Variants in CHD5 observed in about 807,000 individuals in gnomAD.
The protein encoded by CHD5 is chromodomain helicase DNA binding protein 5.
A neutral mutation model predicts 230.3 loss-of-function variants in CHD5; 69 were observed. The observed-to-expected ratio is 0.30, with a 90% confidence interval of 0.25 to 0.37. CHD5 has a LOEUF of 0.37. Among genes scored for constraint, CHD5 ranks in the 10% least tolerant of loss-of-function variants. The pLI is 1.00. For missense variants in CHD5, 1,827 were observed against 2,622.8 expected (o/e 0.70, Z 6.63); for synonymous variants, 1,064 against 1,065.9 (o/e 1.00, Z 0.03).
At chr1:6,173,769 G>C (rs1667375724) in intron 1 of CHD5, among the ~76,000 whole-genome samples, 1 of 152,226 alleles carries the variant, frequency 6.6e-6, no homozygotes, top group Non-Finnish European at 1.5e-5. Context: ...TGCTGGGCCA[G>C]AGGTTCTCAG....
rs528219481 is a variant in CHD5 at position 6,180,210 on chromosome 1, C to T, written c.-187G>A. ...CCGTCTCGACCCCCCTTTCTCTCGG[C>T]CGCCTTAGCCTGCTCCCCGCAAAGC... On this transcript the variant is annotated 5_prime_UTR_variant, in exon 1 of 42. Transcript: ENST00000262450. 1,642 of 173,266 alleles carry T rather than the reference C, an allele frequency of 9.5e-3. 36 individuals carry two copies. Among genetic ancestry groups the T allele is most frequent in the African/African-American group, 0.039 (1,532 of 38,816 alleles). 10.7% of individuals were successfully genotyped at this position (173,266 alleles called of 1,614,324 possible).
Position 6,121,500 on chromosome 1 carries a change from T to C in CHD5, c.4773A>G (p.Glu1591=). The C allele has an allele frequency of 6.2e-7, 1 of 1,611,856 alleles. No individual in the cohort carries two copies. Among genetic ancestry groups the C allele is most frequent in the Non-Finnish European group, 8.5e-7 (1 of 1,178,984 alleles). The part of the protein sequence containing the change: ...PGAQKPRQPL[E]VQALPAALDR... Reference sequence around the variant, plus strand: ...ACGCCAGCAAGTTCCACACCTGGACTTCCAGGGGCTGCCTTGGCTTCTGTG... The same window carrying C: ...ACGCCAGCAAGTTCCACACCTGGACCTCCAGGGGCTGCCTTGGCTTCTGTG... Residue 1591 remains glutamate, a synonymous_variant, in exon 32 of 42, where the codon GAA becomes GAG. Coordinates refer to ENST00000262450, the MANE Select transcript of CHD5 (RefSeq NM_015557.3). This position sits in a 1 kb window ranked among gnomAD's most constrained non-coding sequence, Gnocchi z 4.5.
chr1:6,172,155 G>A (rs886728513), intron 1 of CHD5, among the ~76,000 whole-genome samples: 8 of 152,194 alleles, frequency 5.3e-5, no homozygotes, highest in Admixed American at 3.9e-4. Context: ...TGCAGGCTGC[G>A]GCCAGGCCGA....
chr1:6,108,121 TA>T (rs376671210), intron 38 of CHD5, among the ~76,000 whole-genome samples: 9 of 103,374 alleles, frequency 8.7e-5, no homozygotes, highest in African/African-American at 3.1e-4. Flanking sequence ...CATGGAGGCA[TA>T]GAGGGATGAT....
At chr1:6,120,116 C>T (rs55836408) in intron 33 of CHD5, among the ~76,000 whole-genome samples, 2,082 of 152,226 alleles carry the variant, frequency 0.014, 22 homozygotes, top group Non-Finnish European at 0.021. Flanking sequence ...CTGCCTCAGC[C>T]TCCCAAAGTG....
intron 3 of CHD5, among the ~76,000 whole-genome samples, chr1:6,158,743 C>G (rs1051748172): frequency 2.2e-4 from 34 of 152,192 alleles, no homozygotes; most frequent in African/African-American, 8.0e-4. Flanking sequence ...CGCGGTGGCT[C>G]ACACCTGTAA....
At chr1:6,161,398 G>C (rs891639158) in intron 2 of CHD5, among the ~76,000 whole-genome samples, 4 of 152,164 alleles carry the variant, frequency 2.6e-5, no homozygotes, top group Non-Finnish European at 5.9e-5. Flanking sequence ...CAGGCTGCCT[G>C]CACTTCCCTC....
intron 7 of CHD5, 67 bp downstream of exon 7, chr1:6,150,965 G>T: frequency 7.0e-7 from 1 of 1,419,618 alleles, no homozygotes; most frequent in Non-Finnish European, 9.3e-7. Flanking sequence ...GTCCAGATGG[G>T]GAGTCCTACT....
chr1:6,140,906 G>A (rs545265161), intron 15 of CHD5, among the ~76,000 whole-genome samples: 70 of 151,928 alleles, frequency 4.6e-4, no homozygotes, highest in African/African-American at 1.5e-3. Context: ...GGTCAAGGCT[G>A]CAGTGAGCTA....
In CHD5 at chr1:6,149,418, G is replaced by A. The variant is rs138305801; in HGVS notation, c.995-6C>T. 238 of 1,599,614 alleles carry A rather than the reference G, an allele frequency of 1.5e-4. 1 individual carries two copies. In the East Asian group the frequency reaches 4.8e-3, roughly 33 times the overall value. Reference sequence around the variant, plus strand: ...ATAGCCGTCACCATCATCAACTAGGGTAGGGGAGAGGCAGTCATGGAAGTC... The same window carrying A: ...ATAGCCGTCACCATCATCAACTAGGATAGGGGAGAGGCAGTCATGGAAGTC... On this transcript the variant is annotated splice_polypyrimidine_tract_variant and splice_region_variant and intron_variant, in intron 7 of 41. Transcript: ENST00000262450.
At chr1:6,161,217 C>T (rs1414346021) in intron 2 of CHD5, among the ~76,000 whole-genome samples, 4 of 152,046 alleles carry the variant, frequency 2.6e-5, no homozygotes, top group South Asian at 2.1e-4. Flanking sequence ...TTGGGAGGCC[C>T]CCAGCCCAAC....
At position 6,126,793 on chromosome 1, in the gene CHD5, C is replaced by T; in HGVS notation, c.3904-47G>A. 1 of 1,582,766 alleles carries T rather than the reference C, an allele frequency of 6.3e-7. No homozygotes were observed. The highest frequency in any genetic ancestry group is 2.2e-5 in the East Asian group (1 of 44,490). On this transcript the variant is annotated intron_variant, in intron 25 of 41. Transcript: ENST00000262450. The surrounding 1 kb of genome is among the most constrained non-coding windows in gnomAD (Gnocchi z 5.7). ...TTCCATGGGTGGAGCCATCTCTGCCCTCCCGGAAGCCTCAGGCTGCCTCCA... is the reference window on the plus strand; with the variant it reads ...TTCCATGGGTGGAGCCATCTCTGCCTTCCCGGAAGCCTCAGGCTGCCTCCA...
intron 3 of CHD5, among the ~76,000 whole-genome samples, chr1:6,156,716 C>A (rs1667086815): frequency 6.6e-6 from 1 of 152,016 alleles, no homozygotes. Flanking sequence ...CCAACTACTG[C>A]TGAGGCCTGG....
At chr1:6,122,209 T>A (rs1355202093) in intron 31 of CHD5, among the ~76,000 whole-genome samples, 1 of 152,210 alleles carries the variant, frequency 6.6e-6, no homozygotes, top group Admixed American at 6.5e-5. Context: ...GGGATAGCTA[T>A]GTCCGCCCCA....
Position 6,141,068 on chromosome 1 carries a change from G to A in CHD5, c.2436+1060C>T, listed in dbSNP as rs546277024. Reference sequence around the variant, plus strand: ...GGAGGCCAAGGCAGGCAGATCGCCTGAACTTAGGAGTTCGAGACCAGCCTG... The same window carrying A: ...GGAGGCCAAGGCAGGCAGATCGCCTAAACTTAGGAGTTCGAGACCAGCCTG... On this transcript the variant is annotated intron_variant, in intron 15 of 41. Coordinates refer to ENST00000262450, the MANE Select transcript of CHD5 (RefSeq NM_015557.3). 7.9e-4 allele frequency among the ~76,000 whole-genome samples: 120 copies of A among 151,512 alleles called. 2 individuals are homozygous for A. The highest frequency in any genetic ancestry group is 2.7e-3 in the African/African-American group (113 of 41,350).
Position 6,130,070 on chromosome 1 carries a change from T to C in CHD5, c.3387+134A>G, listed in dbSNP as rs1000573663. 3 of 1,033,868 alleles carry C rather than the reference T, an allele frequency of 2.9e-6. No homozygotes were observed. In the African/African-American group the frequency reaches 4.7e-5, roughly 16 times the overall value. The allele number at this position is 1,033,868 out of a possible 1,614,324, so 64.0% of individuals were successfully genotyped here. A position where few individuals can be genotyped will look rare whatever the true frequency, so the allele number is the denominator to read the frequency against. ...CCAGAGCCCCTCTTGGGGCCGAGAC[T>C]CCACGGGGGAGGGAGGCCCACAGCA... On this transcript the variant is annotated intron_variant, in intron 22 of 41. Transcript: ENST00000262450. This position sits in a 1 kb window ranked among gnomAD's most constrained non-coding sequence, Gnocchi z 4.9.
intron 35 of CHD5, 77 bp from the exon 36 acceptor site, chr1:6,111,960 C>A: frequency 6.9e-7 from 1 of 1,447,026 alleles, no homozygotes; most frequent in South Asian, 1.2e-5. Context: ...GAGCCGCTCC[C>A]TCCCTACTTG....
intron 7 of CHD5, among the ~76,000 whole-genome samples, chr1:6,149,685 G>A (rs1557554310): frequency 1.3e-5 from 2 of 149,864 alleles, no homozygotes; most frequent in Non-Finnish European, 3.0e-5. Flanking sequence ...TAGACAAATG[G>A]ATGGATAGAT....
At chr1:6,148,378 G>A (rs1666944082) in intron 9 of CHD5, among the ~76,000 whole-genome samples, 2 of 152,224 alleles carry the variant, frequency 1.3e-5, no homozygotes, top group African/African-American at 4.8e-5. Context: ...ACAGGAGCCA[G>A]GTCTGGGGTG....
Sources: gnomAD v4.1 joint callset for allele counts (sites outside exome capture counted in the v4.1 genomes callset) on GRCh38, gnomAD v4.1.1 for gene constraint, Gnocchi (gnomAD v3.1) non-coding constraint, MANE v1.5 for transcripts, NCBI Gene and HGNC (gene_info 2026-07-23, HGNC 2026-07-21) for gene names.